AFF3: variants seen among roughly 807,000 people sequenced by gnomAD.
AFF3 encodes the protein ALF transcription elongation factor 3.
In AFF3, 32 loss-of-function variants were observed where a neutral mutation model predicts 129.7. That is an observed-to-expected ratio of 0.25 (90% confidence interval 0.19 to 0.33). AFF3 has a LOEUF of 0.33. Ranked by LOEUF, AFF3 falls within the 10% of genes least tolerant of loss-of-function variation. AFF3 has a pLI of 1.00. For synonymous variants in AFF3, 644 were observed against 635.4 expected (o/e 1.01, Z -0.20); for missense variants, 1,373 against 1,592.0 (o/e 0.86, Z 2.34).
intron 4 of AFF3, among the ~76,000 whole-genome samples, chr2:100,044,100 G>A (rs1308391866): frequency 5.3e-5 from 8 of 152,192 alleles, no homozygotes. Context: ...GGCCAGGAAT[G>A]AACACATGGA....
intron 13 of AFF3, among the ~76,000 whole-genome samples, chr2:99,607,694 G>C (rs906299931): frequency 2.0e-5 from 3 of 152,342 alleles, no homozygotes; most frequent in Middle Eastern, 6.8e-3. Flanking sequence ...CTGCCTGGTT[G>C]TTGCTGTGTG....
chr2:100,136,611 T>A (rs927883579), intron 1 of AFF3, among the ~76,000 whole-genome samples: 3 of 152,190 alleles, frequency 2.0e-5, no homozygotes, highest in Non-Finnish European at 4.4e-5. Flanking sequence ...CATTGATCTG[T>A]TTATCCATTT....
intron 11 of AFF3, among the ~76,000 whole-genome samples, chr2:99,682,978 T>G (rs535817957): frequency 6.6e-6 from 1 of 152,346 alleles, no homozygotes; most frequent in African/African-American, 2.4e-5. Flanking sequence ...ATTTATTGAT[T>G]TCTTGAAATG....
rs183972948 is a variant in AFF3, at chr2:99,939,774, A to T, written c.873+66858T>A. Among the ~76,000 whole-genome samples the T allele has an allele frequency of 2.2e-4, 34 of 152,340 alleles. No individual in the cohort carries two copies. In the East Asian group the frequency reaches 4.4e-3, roughly 20 times the overall value. The stretch of plus-strand genomic sequence containing the variant: ...TGGATTAGTGGAACACTTTAAATGT[A>T]AAAAACGCAATCTGTATTTCTCTCA... On this transcript the variant is annotated intron_variant, in intron 7 of 24. Transcript: ENST00000672756.
chr2:99,792,494 A>AAAAC (rs3072358), intron 8 of AFF3, among the ~76,000 whole-genome samples: 131,770 of 151,526 alleles, frequency 0.87, 57,329 homozygotes, highest in East Asian at 0.92. Flanking sequence ...AAACAAAACA[A>AAAAC]AAACAAACAA....
intron 7 of AFF3, among the ~76,000 whole-genome samples, chr2:99,883,747 C>CAAGG (rs1692900974): frequency 1.3e-5 from 2 of 152,130 alleles, no homozygotes; most frequent in South Asian, 4.1e-4. Context: ...AGAGAGCCTT[C>CAAGG]TACTGAGTCA....
intron 7 of AFF3, among the ~76,000 whole-genome samples, chr2:99,905,993 C>G (rs1349889582): frequency 6.6e-6 from 1 of 152,060 alleles, no homozygotes; most frequent in Non-Finnish European, 1.5e-5. Context: ...TAAATTCAGG[C>G]CTGACTAATG....
At chr2:99,619,448 A>T (rs1391506489) in intron 13 of AFF3, among the ~76,000 whole-genome samples, 1 of 152,210 alleles carries the variant, frequency 6.6e-6, no homozygotes, top group African/African-American at 2.4e-5. Flanking sequence ...GCAAATGTGT[A>T]AAATATTACT....
chr2:99,871,776 G>T (rs1455138843), intron 7 of AFF3, among the ~76,000 whole-genome samples: 1 of 152,114 alleles, frequency 6.6e-6, no homozygotes, highest in Admixed American at 6.5e-5. Flanking sequence ...TACCTGTCAG[G>T]TGCTATGTTC....
intron 8 of AFF3, among the ~76,000 whole-genome samples, chr2:99,787,630 C>T (rs540667036): frequency 2.0e-5 from 3 of 152,244 alleles, no homozygotes; most frequent in East Asian, 1.9e-4. Flanking sequence ...TGAGCTGGGG[C>T]TGCTGGTCTG....
intron 7 of AFF3, among the ~76,000 whole-genome samples, chr2:99,843,555 AACAG>A (rs572636687): frequency 5.1e-4 from 78 of 152,338 alleles, no homozygotes; most frequent in African/African-American, 1.8e-3. Flanking sequence ...TATTTTTCCT[AACAG>A]ACAAAGGATA....
intron 18 of AFF3, among the ~76,000 whole-genome samples, chr2:99,575,414 A>ATTTTTTTTTTTTTTTTTTTT (rs540441950): frequency 3.9e-5 from 5 of 127,468 alleles, no homozygotes; most frequent in African/African-American, 1.2e-4. Context: ...TGCCTGGCTA[A>ATTTTTTTTTTTTTTTTTTTT]TTTTTTTTTT....
In AFF3 at chr2:100,034,057, T is replaced by G. The variant is rs1559074389; in HGVS notation, c.54-25125A>C. Among the ~76,000 whole-genome samples, 5 of 152,194 alleles carry G rather than the reference T, an allele frequency of 3.3e-5. No homozygotes were observed. The South Asian group carries it at 1.0e-3, about 32-fold the overall frequency. ...TTGTTATTTTAGACTGGCAAATCAATAGCAAATGCTTGTTCTAAGATTGGT... is the reference window on the plus strand; with the variant it reads ...TTGTTATTTTAGACTGGCAAATCAAGAGCAAATGCTTGTTCTAAGATTGGT... On this transcript the variant is annotated intron_variant, in intron 4 of 24. Coordinates refer to ENST00000672756, the MANE Select transcript of AFF3 (RefSeq NM_001386135.1).
At chr2:99,557,239 A>T (rs1675013980) in intron 22 of AFF3, among the ~76,000 whole-genome samples, 1 of 150,914 alleles carries the variant, frequency 6.6e-6, no homozygotes, top group African/African-American at 2.4e-5. Flanking sequence ...AATGACATTA[A>T]TTCCTTGAGG....
At chr2:99,915,318 C>T (rs1695401879) in intron 7 of AFF3, among the ~76,000 whole-genome samples, 2 of 152,058 alleles carry the variant, frequency 1.3e-5, no homozygotes, top group Admixed American at 6.6e-5. Context: ...GATAATGTCA[C>T]GGACAGCATG....
chr2:99,992,544 AGAT>A (rs1680451636), intron 7 of AFF3, among the ~76,000 whole-genome samples: 1 of 152,346 alleles, frequency 6.6e-6, no homozygotes, highest in South Asian at 2.1e-4. Flanking sequence ...AACCAGAATA[AGAT>A]AATAGGGAGC....
At chr2:99,607,309 G>A (rs146139441) in intron 13 of AFF3, among the ~76,000 whole-genome samples, 1,613 of 152,148 alleles carry the variant, frequency 0.011, 22 homozygotes, top group African/African-American at 0.037. Context: ...GAGGCAGGCA[G>A]ATCACAAGGT....
chr2:99,575,346 G>A (rs966633735), intron 18 of AFF3, among the ~76,000 whole-genome samples: 5 of 151,604 alleles, frequency 3.3e-5, no homozygotes, highest in African/African-American at 1.2e-4. Context: ...TGCAACCTCC[G>A]CTTCCTGGGT....
In AFF3 at chr2:99,546,186, T is replaced by C. The variant is rs1674068988; in HGVS notation, c.*5288A>G. The stretch of plus-strand genomic sequence containing the variant: ...GTATTACTTTTTACAAATATAATTC[T>C]TATAGGGACAGACTTCAGCTGTGTA... On this transcript the variant is annotated 3_prime_UTR_variant, in exon 25 of 25. Coordinates refer to ENST00000672756, the MANE Select transcript of AFF3 (RefSeq NM_001386135.1). 1.7e-5 allele frequency: 4 copies of C among 230,804 alleles called. No individual in the cohort carries two copies. In the East Asian group the frequency reaches 2.5e-4, roughly 14 times the overall value. The allele number at this position is 230,804 out of a possible 1,614,324, so 14.3% of individuals were successfully genotyped here.
Sources: allele counts gnomAD v4.1 joint callset (sites outside exome capture counted in the v4.1 genomes callset), GRCh38; gene constraint gnomAD v4.1.1; transcripts MANE v1.5; gene names NCBI Gene and HGNC (gene_info 2026-07-23, HGNC 2026-07-21).